The following SLC8A1 variants were observed in gnomAD, a reference collection of about 807,000 sequenced individuals.
The protein encoded by SLC8A1 is solute carrier family 8 member A1.
A neutral mutation model predicts 68.3 loss-of-function variants in SLC8A1; 18 were observed. The observed-to-expected ratio is 0.26, with a 90% CI of 0.18 to 0.39. The LOEUF (loss-of-function observed/expected upper bound fraction) is 0.39. SLC8A1 is among the 10% of genes least tolerant of loss of function. The pLI is 1.00. For missense variants in SLC8A1, 985 were observed against 1,156.7 expected (o/e 0.85, Z 2.15); for synonymous variants, 475 against 415.5 (o/e 1.14, Z -1.74).
chr2:40,184,718 T>G (rs388467), intron 2 of SLC8A1, among the ~76,000 whole-genome samples: 114,016 of 151,580 alleles, frequency 0.75, 43,757 homozygotes, highest in Middle Eastern at 0.84. Flanking sequence ...ACTGGAACTT[T>G]CCCACATGTA....
At chr2:40,512,322 G>C (rs1215345402) in intron 1 of SLC8A1, 2 of 152,264 alleles carry the variant, frequency 1.3e-5, no homozygotes, top group African/African-American at 4.8e-5. Flanking sequence ...CTTTATAGAA[G>C]TTCCATCACA....
At chr2:40,410,650 T>C (rs1238091123) in intron 2 of SLC8A1, among the ~76,000 whole-genome samples, 1 of 152,140 alleles carries the variant, frequency 6.6e-6, no homozygotes, top group Non-Finnish European at 1.5e-5. Flanking sequence ...TATAGTTAAA[T>C]CCAGCTAATT....
chr2:40,477,064 C>T (rs1704337035), intron 1 of SLC8A1, among the ~76,000 whole-genome samples: 1 of 152,062 alleles, frequency 6.6e-6, no homozygotes. Context: ...TTTCCTATAG[C>T]AAACATAATA....
chr2:40,248,112 G>T (rs902443037), intron 2 of SLC8A1, among the ~76,000 whole-genome samples: 1 of 152,120 alleles, frequency 6.6e-6, no homozygotes, highest in Admixed American at 6.5e-5. Flanking sequence ...GCACTCCATG[G>T]AGTAAGTACC....
chr2:40,454,740 T>A (rs1702902254), upstream of SLC8A1, among the ~76,000 whole-genome samples: 1 of 152,222 alleles, frequency 6.6e-6, no homozygotes, highest in Admixed American at 6.5e-5. Context: ...AAGGCATTTT[T>A]ATAATGGTTC....
intron 1 of SLC8A1, among the ~76,000 whole-genome samples, chr2:40,433,908 G>A (rs1698889864): frequency 6.6e-6 from 1 of 152,138 alleles, no homozygotes; most frequent in Non-Finnish European, 1.5e-5. Flanking sequence ...CCAATAGCCT[G>A]GCTTTTATCT....
intron 2 of SLC8A1, among the ~76,000 whole-genome samples, chr2:40,259,478 C>A (rs569632722): frequency 6.6e-6 from 1 of 152,210 alleles, no homozygotes; most frequent in South Asian, 2.1e-4. Context: ...TCTTCACAAT[C>A]TTTTTTCTTT....
intron 2 of SLC8A1, among the ~76,000 whole-genome samples, chr2:40,377,218 C>G (rs78971989): frequency 0.027 from 4,126 of 152,164 alleles, 86 homozygotes; most frequent in Non-Finnish European, 0.04. Context: ...AACTCAAAGA[C>G]ATTCTCCAGT....
At chr2:40,202,095 T>C (rs1464623008) in intron 2 of SLC8A1, among the ~76,000 whole-genome samples, 1 of 151,982 alleles carries the variant, frequency 6.6e-6, no homozygotes, top group Non-Finnish European at 1.5e-5. Flanking sequence ...GAGGATGTGT[T>C]TCCAAAGATT....
chr2:40,364,450 C>CA (rs397829947), intron 2 of SLC8A1, among the ~76,000 whole-genome samples: 36,494 of 144,794 alleles, frequency 0.25, 6,129 homozygotes, highest in African/African-American at 0.48. Flanking sequence ...GCAAGTAAAA[C>CA]AAAAAAAAAA....
At chr2:40,268,138 C>T (rs2149123380) in intron 2 of SLC8A1, among the ~76,000 whole-genome samples, 1 of 152,292 alleles carries the variant, frequency 6.6e-6, no homozygotes, top group South Asian at 2.1e-4. Flanking sequence ...ACTTTCTCCA[C>T]AGTGAAGAGC....
chr2:40,130,108 C>T (rs903121018), intron 7 of SLC8A1, among the ~76,000 whole-genome samples: 9 of 152,156 alleles, frequency 5.9e-5, no homozygotes, highest in Non-Finnish European at 1.2e-4. Context: ...CAACAAAAAA[C>T]CCTTAAAAGT....
intron 2 of SLC8A1, among the ~76,000 whole-genome samples, chr2:40,210,934 G>A (rs1171278323): frequency 1.2e-4 from 19 of 152,190 alleles, no homozygotes; most frequent in Non-Finnish European, 2.5e-4. Flanking sequence ...AATTATAAAA[G>A]AAGATGAGGG....
upstream of SLC8A1, among the ~76,000 whole-genome samples, chr2:40,456,185 G>A (rs113535641): frequency 7.6e-3 from 1,156 of 152,028 alleles, 24 homozygotes; most frequent in South Asian, 0.084. Flanking sequence ...GCGTGGTGGC[G>A]GGCACCTGTA....
At chr2:40,485,776 T>C (rs955733145) in intron 1 of SLC8A1, among the ~76,000 whole-genome samples, 1 of 152,188 alleles carries the variant, frequency 6.6e-6, no homozygotes, top group Non-Finnish European at 1.5e-5. Flanking sequence ...AATCATGGAA[T>C]TTCTAGCAAA....
chr2:40,260,569 A>G (rs2064557449), intron 2 of SLC8A1, among the ~76,000 whole-genome samples: 1 of 152,224 alleles, frequency 6.6e-6, no homozygotes, highest in Non-Finnish European at 1.5e-5. Flanking sequence ...AAGACATTTA[A>G]ATTAATGTCA....
At chr2:40,374,211 T>C (rs1029761992) in intron 2 of SLC8A1, among the ~76,000 whole-genome samples, 1 of 152,006 alleles carries the variant, frequency 6.6e-6, no homozygotes, top group Admixed American at 6.6e-5. Flanking sequence ...AGGAAAACTT[T>C]AAAGAAAAGA....
chr2:40,388,765 T>G (rs1046665461), intron 2 of SLC8A1, among the ~76,000 whole-genome samples: 4 of 152,096 alleles, frequency 2.6e-5, no homozygotes, highest in Non-Finnish European at 4.4e-5. Flanking sequence ...AACATTCTGT[T>G]AATTTTAATA....
intron 2 of SLC8A1, among the ~76,000 whole-genome samples, chr2:40,290,195 T>C (rs1344863266): frequency 6.6e-6 from 1 of 151,218 alleles, no homozygotes; most frequent in Non-Finnish European, 1.5e-5. Flanking sequence ...CCTTGCAAGG[T>C]GCCTGGATGA....
Sources: allele counts gnomAD v4.1 joint callset (sites outside exome capture counted in the v4.1 genomes callset), GRCh38; gene constraint gnomAD v4.1.1; transcripts MANE v1.5; gene names NCBI Gene and HGNC (gene_info 2026-07-23, HGNC 2026-07-21).